Variants in SNTG1 observed in about 807,000 individuals in gnomAD.
SNTG1 encodes syntrophin gamma 1.
In SNTG1, 39 loss-of-function variants were observed where a neutral mutation model predicts 74.7. That is an observed-to-expected ratio of 0.52 (90% CI 0.40 to 0.68). SNTG1 has a LOEUF of 0.68. SNTG1 is among the 30% of genes least tolerant of loss of function. SNTG1 has a pLI of 0.00. For missense variants in SNTG1, 685 were observed against 609.5 expected (o/e 1.12, Z -1.30); for synonymous variants, 254 against 217.1 (o/e 1.17, Z -1.49).
At chr8:50,721,280 G>A (rs1357896133) in intron 17 of SNTG1, among the ~76,000 whole-genome samples, 1 of 152,112 alleles carries the variant, frequency 6.6e-6, no homozygotes, top group Non-Finnish European at 1.5e-5. Flanking sequence ...TACCTGTATT[G>A]TAAGTGTCAA....
intron 11 of SNTG1, among the ~76,000 whole-genome samples, chr8:50,543,929 C>A (rs1011033660): frequency 6.6e-6 from 1 of 152,020 alleles, no homozygotes; most frequent in African/African-American, 2.4e-5. Context: ...ATTATAATGA[C>A]ATTGAGCCTC....
chr8:50,280,162 T>G (rs944506061), intron 2 of SNTG1, among the ~76,000 whole-genome samples: 3 of 152,218 alleles, frequency 2.0e-5, no homozygotes, highest in Admixed American at 1.3e-4. Flanking sequence ...AGCCCTCTCA[T>G]TTTTCCATTT....
chr8:50,351,379 G>A (rs1426491850), intron 2 of SNTG1, among the ~76,000 whole-genome samples: 1 of 152,188 alleles, frequency 6.6e-6, no homozygotes, highest in African/African-American at 2.4e-5. Context: ...TACAGGAAAG[G>A]CGCTCAAGTA....
At chr8:50,566,383 A>G (rs1231980967) in intron 12 of SNTG1, among the ~76,000 whole-genome samples, 1 of 152,010 alleles carries the variant, frequency 6.6e-6, no homozygotes, top group Non-Finnish European at 1.5e-5. Flanking sequence ...AATACTAACC[A>G]TGACAAATGG....
At chr8:50,426,947 T>C (rs1258122633) in intron 4 of SNTG1, among the ~76,000 whole-genome samples, 1 of 152,172 alleles carries the variant, frequency 6.6e-6, no homozygotes, top group Non-Finnish European at 1.5e-5. Flanking sequence ...TTGTATTAGG[T>C]ATTTTAAGTA....
intron 1 of SNTG1, among the ~76,000 whole-genome samples, chr8:50,063,383 GAC>G (rs1820637733): frequency 6.6e-6 from 1 of 152,192 alleles, no homozygotes; most frequent in Admixed American, 6.5e-5. Flanking sequence ...TCTATCAAAA[GAC>G]ACATGCTTAT....
intron 2 of SNTG1, among the ~76,000 whole-genome samples, chr8:50,340,359 T>G (rs1013134991): frequency 2.6e-5 from 4 of 151,970 alleles, no homozygotes; most frequent in Admixed American, 6.6e-5. Context: ...CAGTGTGGTG[T>G]TAGCAAAAGA....
intron 18 of SNTG1, among the ~76,000 whole-genome samples, chr8:50,783,673 G>A (rs1164776460): frequency 6.6e-6 from 1 of 152,190 alleles, no homozygotes; most frequent in Non-Finnish European, 1.5e-5. Context: ...GCCTTGCCCT[G>A]CTTCGGCTTG....
At chr8:50,229,045 G>T (rs1332404212) in intron 2 of SNTG1, among the ~76,000 whole-genome samples, 1 of 151,586 alleles carries the variant, frequency 6.6e-6, no homozygotes, top group African/African-American at 2.4e-5. Flanking sequence ...TACAAGTAAA[G>T]TGGTTTATTG....
chr8:50,760,020 C>G (rs765353001), intron 18 of SNTG1, among the ~76,000 whole-genome samples: 1 of 151,814 alleles, frequency 6.6e-6, no homozygotes, highest in African/African-American at 2.4e-5. Context: ...CTTATTCCCT[C>G]GAGCAGTGGT....
rs552853648 is a variant in SNTG1, at chr8:50,590,714, G to GA, written c.811-159dup. 1.4e-4 allele frequency among the ~76,000 whole-genome samples: 21 copies of GA among 152,038 alleles called. No homozygotes were observed. The East Asian group carries it at 3.1e-3, about 22-fold the overall frequency. On this transcript the variant is annotated intron_variant, in intron 12 of 18. Coordinates refer to ENST00000642720, the MANE Select transcript of SNTG1 (RefSeq NM_018967.5). ...TAATTTTGATAGCCAATTTTAAAAA[G>GA]AAAAAATCTGTTTATATATGTTGTT...
At chr8:50,257,497 T>A (rs897354259) in intron 2 of SNTG1, among the ~76,000 whole-genome samples, 3 of 152,170 alleles carry the variant, frequency 2.0e-5, no homozygotes, top group Non-Finnish European at 4.4e-5. Flanking sequence ...TTCTTTGAAC[T>A]AATTTCGAAG....
intron 2 of SNTG1, among the ~76,000 whole-genome samples, chr8:50,369,241 A>G (rs754726057): frequency 1.2e-4 from 19 of 152,332 alleles, no homozygotes; most frequent in Non-Finnish European, 2.8e-4. Context: ...TTTGGGAGGT[A>G]TCAAAGTGAA....
rs557870704 is a variant in SNTG1, at chr8:50,743,610, A to C, written c.1285-8391A>C. 5.3e-5 allele frequency among the ~76,000 whole-genome samples: 8 copies of C among 151,898 alleles called. 1 individual carries two copies. The South Asian group carries it at 1.0e-3, about 20-fold the overall frequency. On this transcript the variant is annotated intron_variant, in intron 17 of 18. Coordinates refer to ENST00000642720, the MANE Select transcript of SNTG1 (RefSeq NM_018967.5). The stretch of plus-strand genomic sequence containing the variant: ...CTTGCTTTGACTTCTTCTGTTTGAC[A>C]TGGTATTATTGACAGTTTTAGCCAG...
chr8:50,705,006 A>G (rs973700405), intron 16 of SNTG1, among the ~76,000 whole-genome samples: 6 of 152,168 alleles, frequency 3.9e-5, no homozygotes, highest in African/African-American at 1.2e-4. Context: ...TTTTAATTAG[A>G]CATTACTCTG....
intron 1 of SNTG1, among the ~76,000 whole-genome samples, chr8:50,087,671 T>C (rs1197129899): frequency 6.6e-6 from 1 of 152,148 alleles, no homozygotes; most frequent in Non-Finnish European, 1.5e-5. Context: ...TCAAAGTATA[T>C]GAGGATAATA....
chr8:50,722,893 T>C (rs985416620), intron 17 of SNTG1, among the ~76,000 whole-genome samples: 1 of 152,214 alleles, frequency 6.6e-6, no homozygotes, highest in South Asian at 2.1e-4. Flanking sequence ...TGTTTTTGAC[T>C]GTCAAAAACA....
chr8:50,502,387 T>C (rs909817861), intron 8 of SNTG1, among the ~76,000 whole-genome samples: 2 of 152,186 alleles, frequency 1.3e-5, no homozygotes, highest in African/African-American at 4.8e-5. Context: ...CTCCAAAGCT[T>C]ATCCAATTTA....
chr8:50,321,836 C>T (rs2090543393), intron 2 of SNTG1, among the ~76,000 whole-genome samples: 1 of 151,892 alleles, frequency 6.6e-6, no homozygotes, highest in Non-Finnish European at 1.5e-5. Flanking sequence ...AACTTTGTTC[C>T]CCCAATTTTT....
Sources: allele counts gnomAD v4.1 joint callset (sites outside exome capture counted in the v4.1 genomes callset), GRCh38; gene constraint gnomAD v4.1.1; transcripts MANE v1.5; gene names NCBI Gene and HGNC (gene_info 2026-07-23, HGNC 2026-07-21).